The following DLEC1 variants were observed in gnomAD, a reference collection of about 807,000 sequenced individuals.
DLEC1 encodes deleted in lung and esophageal cancer protein 1.
Under a neutral mutation model 198.1 loss-of-function variants are expected in DLEC1, and 146 were observed. The observed-to-expected ratio is 0.74, with a 90% CI of 0.64 to 0.85. The LOEUF (loss-of-function observed/expected upper bound fraction) is 0.85. Among genes scored for constraint, DLEC1 ranks in the 40% least tolerant of loss-of-function variants. The pLI, the probability that DLEC1 is intolerant of heterozygous loss-of-function variation, is 0.00. For missense variants in DLEC1, 2,233 were observed against 2,220.0 expected (o/e 1.01, Z -0.12); for synonymous variants, 897 against 866.8 (o/e 1.03, Z -0.61).
At chr3:38,081,519 C>G (rs1697993093) in intron 6 of DLEC1, among the ~76,000 whole-genome samples, 1 of 97,406 alleles carries the variant, frequency 1.0e-5, no homozygotes, top group Non-Finnish European at 2.0e-5. Context: ...GTAGGGGCGG[C>G]CGGGCAGAGG....
intron 35 of DLEC1, 137 bp downstream of exon 35, chr3:38,121,918 C>T: frequency 6.6e-7 from 1 of 1,505,126 alleles, no homozygotes; most frequent in Admixed American, 2.1e-5. Context: ...TTCTGCAGAG[C>T]AGCCAGTCCC....
chr3:38,097,113 T>G (rs1699064523), intron 15 of DLEC1, 69 bp from the exon 16 acceptor site: 2 of 1,377,908 alleles, frequency 1.5e-6, no homozygotes, highest in Admixed American at 4.1e-5. Flanking sequence ...AATCCTACAG[T>G]CCTTCAGCAG....
Position 38,122,737 on chromosome 3 carries a change from G to T in DLEC1, c.*325G>T. The T allele has an allele frequency of 1.5e-6, 2 of 1,310,726 alleles. No homozygotes were observed. Among genetic ancestry groups the T allele is most frequent in the Non-Finnish European group, 2.0e-6 (2 of 995,986 alleles). The allele number at this position is 1,310,726 out of a possible 1,614,324, so 81.2% of individuals were successfully genotyped here. ...AGATAAATTCATGCACTTTTACTAT[G>T]CCCATTGCACTTCTCATCCATGGAT... is the stretch of plus-strand genomic sequence containing the variant. On this transcript the variant is annotated 3_prime_UTR_variant, in exon 37 of 37. Coordinates refer to ENST00000308059, the MANE Select transcript of DLEC1 (RefSeq NM_007335.4).
intron 19 of DLEC1, among the ~76,000 whole-genome samples, chr3:38,106,924 T>A (rs1360796179): frequency 6.6e-6 from 1 of 152,204 alleles, no homozygotes; most frequent in Non-Finnish European, 1.5e-5. Flanking sequence ...ATCAAGCTCC[T>A]GCTCTCACAA....
chr3:38,046,858 C>T (rs1235622936), intron 2 of DLEC1, among the ~76,000 whole-genome samples: 1 of 152,116 alleles, frequency 6.6e-6, no homozygotes, highest in Non-Finnish European at 1.5e-5. Flanking sequence ...GAGATGCCTT[C>T]ATTTGGAACA....
intron 19 of DLEC1, among the ~76,000 whole-genome samples, chr3:38,106,024 A>C (rs1487659066): frequency 1.3e-5 from 2 of 152,174 alleles, no homozygotes; most frequent in Non-Finnish European, 2.9e-5. Context: ...ACACCAACTT[A>C]ATTTCAGTAG....
chr3:38,094,734 T>C (rs920028421), intron 12 of DLEC1, 145 bp from the exon 13 acceptor site: 5 of 864,486 alleles, frequency 5.8e-6, no homozygotes, highest in African/African-American at 1.7e-5. Flanking sequence ...GGGTCCTCCA[T>C]TGGAAGGGTG....
At chr3:38,082,240 C>T (rs1040892365) in intron 6 of DLEC1, among the ~76,000 whole-genome samples, 10 of 136,068 alleles carry the variant, frequency 7.3e-5, no homozygotes, top group Non-Finnish European at 1.1e-4. Context: ...GATGTGATGG[C>T]GGCTGGGAAG....
chr3:38,041,015 T>C (rs539514840), intron 1 of DLEC1, among the ~76,000 whole-genome samples: 2 of 151,962 alleles, frequency 1.3e-5, no homozygotes, highest in African/African-American at 2.4e-5. Context: ...TATTTATTTA[T>C]TTATTTATTT....
At chr3:38,106,648 C>T (rs369717019) in intron 19 of DLEC1, among the ~76,000 whole-genome samples, 8 of 148,696 alleles carry the variant, frequency 5.4e-5, no homozygotes, top group Non-Finnish European at 1.0e-4. Flanking sequence ...CCCAGCTACT[C>T]GGGAGGCTGA....
intron 18 of DLEC1, among the ~76,000 whole-genome samples, chr3:38,098,602 A>T (rs1456033659): frequency 6.6e-6 from 1 of 150,488 alleles, no homozygotes; most frequent in Non-Finnish European, 1.5e-5. Flanking sequence ...TGGTGACCAC[A>T]CTCTCCTTCT....
At chr3:38,107,523 A>G in intron 19 of DLEC1, 61 bp from the exon 20 acceptor site, 3 of 1,454,442 alleles carry the variant, frequency 2.1e-6, no homozygotes, top group Non-Finnish European at 2.7e-6. Context: ...TCATCTAGAA[A>G]TAGGGACAGC....
rs75614900 is a variant in DLEC1 at position 38,116,856 on chromosome 3, C to G, written c.4146C>G (p.Ser1382=). The part of the protein sequence containing the change: ...VILQAHEGVP[S]GHLYCISPKQ... Reference sequence around the variant, plus strand: ...TGCAGGCACATGAGGGGGTGCCCTCCGGCCACCTGTACTGTATCAGCCCCA... The same window carrying G: ...TGCAGGCACATGAGGGGGTGCCCTCGGGCCACCTGTACTGTATCAGCCCCA... Residue 1382 remains serine (S), a synonymous_variant, in exon 29 of 37, where the codon TCC becomes TCG. Coordinates refer to ENST00000308059, the MANE Select transcript of DLEC1 (RefSeq NM_007335.4). The G allele has an allele frequency of 6.2e-7, 1 of 1,613,582 alleles. No individual in the cohort carries two copies. Among genetic ancestry groups the G allele is most frequent in the African/African-American group, 1.3e-5 (1 of 74,970 alleles).
chr3:38,085,533 A>T (rs1698407802), intron 8 of DLEC1, 86 bp downstream of exon 8: 1 of 1,522,094 alleles, frequency 6.6e-7, no homozygotes, highest in Non-Finnish European at 8.9e-7. Context: ...TTCCCTTTGT[A>T]TCAGCACACA....
chr3:38,117,874 C>G lies in DLEC1; in HGVS notation c.4554C>G (p.Phe1518Leu). The G allele has an allele frequency of 6.2e-7, 1 of 1,614,194 alleles. No homozygotes were observed. The change falls in exon 33 of 37, where the codon TTC becomes TTG. Residue 1518 changes from phenylalanine (F) to leucine (L), a missense_variant. Phe to Leu is a conservative substitution (Grantham distance 22). Coordinates refer to ENST00000308059, the MANE Select transcript of DLEC1 (RefSeq NM_007335.4). ...ACACTACAGAGATCCCACACTACTT[C>G]CGGCTTATGGTCTCCAGGCCCTTCT... ...LTNTTEIPHY[F>L]RLMVSRPFSV...
At chr3:38,098,022 G>T in intron 18 of DLEC1, 120 bp downstream of exon 18, 1 of 1,331,480 alleles carries the variant, frequency 7.5e-7, no homozygotes, top group South Asian at 1.4e-5. Flanking sequence ...GGAAAAGCCT[G>T]CCTGGTGACT....
At chr3:38,122,259 C>G (rs779809783) in intron 36 of DLEC1, 30 bp from the exon 37 acceptor site, 1 of 1,608,388 alleles carries the variant, frequency 6.2e-7, no homozygotes, top group African/African-American at 1.3e-5. Context: ...CAGGTGCCTC[C>G]TAACCTCAGC....
rs1370725729 is a variant in DLEC1 at position 38,122,592 on chromosome 3, CAG to C, written c.*183_*184del. ...AGCCTAGGCCCTCATGATATGTCCT[CAG>C]AGCTAACATAAAGGACAGGCCACAC... is the stretch of plus-strand genomic sequence containing the variant. On this transcript the variant is annotated 3_prime_UTR_variant, in exon 37 of 37. Transcript: ENST00000308059. The C allele has an allele frequency of 1.3e-6, 2 of 1,585,332 alleles. No homozygotes were observed.
At chr3:38,086,200 G>C in intron 8 of DLEC1, 41 bp from the exon 9 acceptor site, 1 of 1,580,368 alleles carries the variant, frequency 6.3e-7, no homozygotes, top group Non-Finnish European at 8.6e-7. Context: ...TATTAAGAGT[G>C]ACCTGTTGTT....
Sources: allele counts gnomAD v4.1 joint callset (sites outside exome capture counted in the v4.1 genomes callset), GRCh38; gene constraint gnomAD v4.1.1; transcripts MANE v1.5; gene names NCBI Gene and HGNC (gene_info 2026-07-23, HGNC 2026-07-21).